KCND3: variants seen among roughly 807,000 people sequenced by gnomAD.
KCND3 encodes A-type voltage-gated potassium channel KCND3.
KCND3 carries 9 observed loss-of-function variants against 51.1 expected under a neutral mutation model. That is an observed-to-expected ratio of 0.18 (90% confidence interval 0.11 to 0.31). The LOEUF (loss-of-function observed/expected upper bound fraction) is 0.31, where lower values mean the gene tolerates loss of function less well. Among genes scored for constraint, KCND3 ranks in the 10% least tolerant of loss-of-function variants. KCND3 has a pLI of 1.00. For missense variants in KCND3, 526 were observed against 903.8 expected (o/e 0.58, Z 5.36); for synonymous variants, 349 against 368.0 (o/e 0.95, Z 0.59).
rs1664154100 is a variant in KCND3, at chr1:111,777,113, G to C, written c.1679C>G (p.Ser560Cys). ...RSKKTTHLPN[S>C]NLPATRLRSM... is the part of the protein sequence containing the mutation. ...GCGCAGGCGAGTAGCTGGCAGGTTA[G>C]AATTGGGCAGGTGTGTGGTCTTCTT... The change falls in exon 7 of 8, where the codon TCT (serine) becomes TGT (cysteine). Residue 560 changes from serine to cysteine, a missense_variant. By Grantham distance (112) the Ser-to-Cys change is moderately radical (BLOSUM62 -1). This residue lies in a region of KCND3 where 266 missense variants were observed against 305.5 expected (regional missense o/e 0.87). Coordinates refer to ENST00000302127, the MANE Select transcript of KCND3 (RefSeq NM_001378969.1). 1 of 1,614,016 alleles carries C rather than the reference G, an allele frequency of 6.2e-7. No individual in the cohort carries two copies. Among genetic ancestry groups the C allele is most frequent in the Admixed American group, 1.7e-5 (1 of 60,006 alleles).
chr1:111,942,081 C>T (rs1436138900), intron 2 of KCND3, among the ~76,000 whole-genome samples: 1 of 152,138 alleles, frequency 6.6e-6, no homozygotes, highest in Non-Finnish European at 1.5e-5. Context: ...CACCTGAACC[C>T]TGGTGGGCAC....
chr1:111,982,817 G>A lies in KCND3; in HGVS notation c.-72-19C>T. The A allele has an allele frequency of 6.6e-7, 1 of 1,512,782 alleles. No homozygotes were observed. Among genetic ancestry groups the A allele is most frequent in the Non-Finnish European group, 8.9e-7 (1 of 1,126,720 alleles). 93.7% of individuals were successfully genotyped at this position (1,512,782 alleles called of 1,614,324 possible). A position where few individuals can be genotyped will look rare whatever the true frequency, so the allele number is the denominator to read the frequency against. ...GCAAACCCTGGGAGACAGGAGGGGA[G>A]AGAGAGAAGCGGTGAGTCCATATCG... On this transcript the variant is annotated intron_variant, in intron 1 of 7. Transcript: ENST00000302127. The surrounding 1 kb of genome is among the most constrained non-coding windows in gnomAD (Gnocchi z 8.5).
At chr1:111,976,299 C>A (rs1239531025) in intron 2 of KCND3, among the ~76,000 whole-genome samples, 1 of 152,188 alleles carries the variant, frequency 6.6e-6, no homozygotes, top group Non-Finnish European at 1.5e-5. Context: ...AGGCAAACTT[C>A]CCTTGCAAGA....
intron 2 of KCND3, among the ~76,000 whole-genome samples, chr1:111,850,590 C>T (rs753488802): frequency 1.3e-5 from 2 of 152,228 alleles, no homozygotes; most frequent in Non-Finnish European, 2.9e-5. Flanking sequence ...TGAACTGGAA[C>T]CTCCAGGACA....
Position 111,775,826 on chromosome 1 carries a change from C to CCCCCCCCCCCCCT in KCND3, c.*250_*251insAGGGGGGGGGGGG. On this transcript the variant is annotated 3_prime_UTR_variant, in exon 8 of 8. Transcript: ENST00000302127. ...TCCCCCGGCCTATCCCCGACCCCCC[C>CCCCCCCCCCCCCT]ACCCTCCCTCCCTTCCTCTGGCCCC... 1 of 146,692 alleles carries CCCCCCCCCCCCCT rather than the reference C, an allele frequency of 6.8e-6. No homozygotes were observed. Among genetic ancestry groups the CCCCCCCCCCCCCT allele is most frequent in the Non-Finnish European group, 1.5e-5 (1 of 67,970 alleles). 9.1% of individuals were successfully genotyped at this position (146,692 alleles called of 1,614,324 possible).
At chr1:111,963,086 AC>A (rs1673756284) in intron 2 of KCND3, among the ~76,000 whole-genome samples, 1 of 152,146 alleles carries the variant, frequency 6.6e-6, no homozygotes, top group African/African-American at 2.4e-5. Context: ...ATCCTAGACC[AC>A]CCATCCCCAG....
At chr1:111,832,983 G>A (rs1217148317) in intron 2 of KCND3, among the ~76,000 whole-genome samples, 1 of 152,250 alleles carries the variant, frequency 6.6e-6, no homozygotes, top group East Asian at 1.9e-4. Context: ...AGCAAGAGGG[G>A]CGAGAGCCAA....
chr1:111,894,298 C>A (rs1052852398), intron 2 of KCND3, among the ~76,000 whole-genome samples: 2 of 152,154 alleles, frequency 1.3e-5, no homozygotes, highest in African/African-American at 2.4e-5. Flanking sequence ...TCCTCTCCCC[C>A]TAGAATGCTC....
At position 111,940,794 on chromosome 1, in the gene KCND3, G is replaced by C. The variant is rs568691275; in HGVS notation, c.1106+40827C>G. The stretch of plus-strand genomic sequence containing the variant: ...TGCACCCCTCACCGATGACATCAGA[G>C]CCTCTGGTGTGGAGACCCAGGCATT... On this transcript the variant is annotated intron_variant, in intron 2 of 7. Transcript: ENST00000302127. 3.9e-5 allele frequency among the ~76,000 whole-genome samples: 6 copies of C among 152,290 alleles called. No homozygotes were observed. The South Asian group carries it at 1.2e-3, about 32-fold the overall frequency.
At position 111,780,102 on chromosome 1, in the gene KCND3, A is replaced by T; in HGVS notation, c.1461+123T>A. ...CACCTGAGGGCCAGTAGATCCCATCACTACCTTTTGGATCTGAAGGGGACA... is the reference window on the plus strand; with the variant it reads ...CACCTGAGGGCCAGTAGATCCCATCTCTACCTTTTGGATCTGAAGGGGACA... On this transcript the variant is annotated intron_variant, in intron 5 of 7. Coordinates refer to ENST00000302127, the MANE Select transcript of KCND3 (RefSeq NM_001378969.1). The surrounding 1 kb of genome is among the most constrained non-coding windows in gnomAD (Gnocchi z 4.2). 9.3e-7 allele frequency: 1 copy of T among 1,079,718 alleles called. No homozygotes were observed. Among genetic ancestry groups the T allele is most frequent in the Non-Finnish European group, 1.4e-6 (1 of 720,240 alleles). 66.9% of individuals were successfully genotyped at this position (1,079,718 alleles called of 1,614,324 possible). A position where few individuals can be genotyped will look rare whatever the true frequency, so the allele number is the denominator to read the frequency against.
intron 1 of KCND3, among the ~76,000 whole-genome samples, chr1:111,988,593 T>C (rs1177429287): frequency 3.9e-5 from 6 of 152,122 alleles, no homozygotes; most frequent in African/African-American, 1.4e-4. Flanking sequence ...ACAGTAAACA[T>C]ACAGGCTCCC....
intron 2 of KCND3, among the ~76,000 whole-genome samples, chr1:111,905,306 C>T (rs1571830142): frequency 6.6e-6 from 1 of 152,202 alleles, no homozygotes; most frequent in African/African-American, 2.4e-5. Flanking sequence ...ACCCAGAACA[C>T]CCAGGCAGCA....
At chr1:111,860,618 T>A (rs1668295574) in intron 2 of KCND3, among the ~76,000 whole-genome samples, 1 of 152,194 alleles carries the variant, frequency 6.6e-6, no homozygotes, top group South Asian at 2.1e-4. Context: ...GCCCTATCTA[T>A]CCTTGAGCTG....
chr1:111,899,295 T>TA (rs1394270829), intron 2 of KCND3, among the ~76,000 whole-genome samples: 15 of 152,208 alleles, frequency 9.9e-5, no homozygotes, highest in African/African-American at 3.4e-4. Context: ...ACAATGAAGG[T>TA]AAAGCACCCA....
intron 2 of KCND3, among the ~76,000 whole-genome samples, chr1:111,973,302 T>G (rs1674445957): frequency 2.6e-5 from 4 of 152,248 alleles, no homozygotes. Context: ...TGGAACATCA[T>G]AGGCACTTGG....
At chr1:111,815,694 C>A (rs1429683927) in intron 2 of KCND3, among the ~76,000 whole-genome samples, 1 of 151,730 alleles carries the variant, frequency 6.6e-6, no homozygotes, top group African/African-American at 2.4e-5. Context: ...GAGAACTGAG[C>A]CCAGTTCTAT....
chr1:111,776,767 T>C (rs1664132795), intron 7 of KCND3, among the ~76,000 whole-genome samples: 1 of 152,024 alleles, frequency 6.6e-6, no homozygotes, highest in African/African-American at 2.4e-5. Flanking sequence ...TTATTTTATA[T>C]GTATATATAT....
At chr1:111,964,767 C>G (rs1379676922) in intron 2 of KCND3, among the ~76,000 whole-genome samples, 1 of 152,136 alleles carries the variant, frequency 6.6e-6, no homozygotes. Context: ...TCCTACCCAC[C>G]AGGGAGGGAC....
At chr1:111,799,984 G>C (rs1344538648) in intron 2 of KCND3, among the ~76,000 whole-genome samples, 3 of 151,850 alleles carry the variant, frequency 2.0e-5, no homozygotes, top group Non-Finnish European at 4.4e-5. Flanking sequence ...CTGCCCGGCC[G>C]CCCCTACTGG....
Sources: allele counts gnomAD v4.1 joint callset (sites outside exome capture counted in the v4.1 genomes callset), GRCh38; gene constraint gnomAD v4.1.1; regional missense constraint gnomAD v4.1.1; non-coding constraint Gnocchi (gnomAD v3.1); transcripts MANE v1.5; gene names NCBI Gene and HGNC (gene_info 2026-07-23, HGNC 2026-07-21).